Variants in SEMA6C observed in about 807,000 individuals in gnomAD.
SEMA6C encodes semaphorin 6C.
A neutral mutation model predicts 72.9 loss-of-function variants in SEMA6C; 37 were observed. That is an observed-to-expected ratio of 0.51 (90% CI 0.39 to 0.67). The LOEUF is 0.67. SEMA6C is among the 30% of genes least tolerant of loss of function. The probability of loss-of-function intolerance (pLI) is 0.00; values close to 1 mark genes in which losing one functional copy is unlikely to be tolerated. For synonymous variants in SEMA6C, 578 were observed against 554.1 expected, an observed-to-expected ratio of 1.04 and a Z score of -0.61; for missense variants, 1,189 against 1,263.6, an observed-to-expected ratio of 0.94 and a Z score of 0.89.
In SEMA6C at chr1:151,133,532, G is replaced by A. The variant is rs1443306037; in HGVS notation, c.1760-15C>T. 6.7e-7 allele frequency: 1 copy of A among 1,491,758 alleles called. No homozygotes were observed. Among genetic ancestry groups the A allele is most frequent in the Non-Finnish European group, 8.9e-7 (1 of 1,123,686 alleles). The allele number at this position is 1,491,758 out of a possible 1,614,324, so 92.4% of individuals were successfully genotyped here. On this transcript the variant is annotated splice_polypyrimidine_tract_variant and intron_variant, in intron 18 of 18. Coordinates refer to ENST00000368914, the MANE Select transcript of SEMA6C (RefSeq NM_030913.6). The surrounding 1 kb of genome is among the most constrained non-coding windows in gnomAD (Gnocchi z 5.9). ...CCGGCGCACGCCTGCCGACCGAGAG[G>A]GAGGAGGGAGGCTCAGCCAAGGGGA...
In SEMA6C at chr1:151,133,066, G is replaced by A. The variant is rs886557665; in HGVS notation, c.2211C>T (p.Gly737=). 1.4e-6 allele frequency: 2 copies of A among 1,476,374 alleles called. No homozygotes were observed. Among genetic ancestry groups the A allele is most frequent in the African/African-American group, 1.5e-5 (1 of 67,024 alleles). 91.5% of individuals were successfully genotyped at this position (1,476,374 alleles called of 1,614,324 possible). A position where few individuals can be genotyped will look rare whatever the true frequency, so the allele number is the denominator to read the frequency against. ...GCGCGGGCCCGCCCGCCGCGTGCCC[G>A]CCCCGTGAGCGGCCCGGACCCTCCT... is the stretch of plus-strand genomic sequence containing the variant. The part of the protein sequence containing the change: ...NAKEGPGRSR[G]GHAAGGPAPR... The change falls in exon 19 of 19, where the codon GGC becomes GGT. Residue 737 remains glycine, a synonymous_variant. Transcript: ENST00000368914. The surrounding 1 kb of genome is among the most constrained non-coding windows in gnomAD (Gnocchi z 5.9).
At position 151,140,105 on chromosome 1, in the gene SEMA6C, G is replaced by A. The variant is rs1488038457; in HGVS notation, c.119-15C>T. ...TGGGGAAGTACCTTGAGGACACAGA[G>A]AGATAGGATTCTGAGGATACCACAA... On this transcript the variant is annotated splice_polypyrimidine_tract_variant and intron_variant, in intron 3 of 18. Transcript: ENST00000368914. The A allele has an allele frequency of 1.2e-6, 2 of 1,606,068 alleles. No individual in the cohort carries two copies. The highest frequency in any genetic ancestry group is 1.7e-6 in the Non-Finnish European group (2 of 1,174,236).
chr1:151,140,315 G>A (rs1682424811), intron 3 of SEMA6C, among the ~76,000 whole-genome samples: 1 of 152,164 alleles, frequency 6.6e-6, no homozygotes. Context: ...GGTAGCTTTG[G>A]CCCCATTTTA....
At chr1:151,141,362 A>G (rs1467014549) in intron 3 of SEMA6C, among the ~76,000 whole-genome samples, 2 of 152,186 alleles carry the variant, frequency 1.3e-5, no homozygotes, top group African/African-American at 2.4e-5. Flanking sequence ...AGCACTTTAC[A>G]TGTATAACCT....
chr1:151,136,300 T>G, intron 12 of SEMA6C, 137 bp from the exon 13 acceptor site: 1 of 1,471,740 alleles, frequency 6.8e-7, no homozygotes, highest in Non-Finnish European at 9.2e-7. Context: ...ACTGTCCCCT[T>G]CCCTGCCGCA....
intron 3 of SEMA6C, among the ~76,000 whole-genome samples, chr1:151,142,043 C>CT (rs11321807): frequency 0.033 from 4,261 of 128,388 alleles, 228 homozygotes; most frequent in African/African-American, 0.11. Context: ...AGTCCATGTT[C>CT]TTTTTTTTTT....
chr1:151,135,548 C>T (rs1176838704), intron 14 of SEMA6C, 43 bp downstream of exon 14: 3 of 1,578,046 alleles, frequency 1.9e-6, no homozygotes, highest in African/African-American at 1.4e-5. Flanking sequence ...TACCTCCCAT[C>T]CCCTCCCTGC....
intron 4 of SEMA6C, 31 bp downstream of exon 4, chr1:151,139,945 C>G: frequency 6.3e-7 from 1 of 1,598,804 alleles, no homozygotes; most frequent in Middle Eastern, 1.7e-4. Context: ...GCATGCATGT[C>G]TGCCCCACAA....
chr1:151,133,863 TAGTG>T lies in SEMA6C; in HGVS notation c.1760-350_1760-347del. On this transcript the variant is annotated intron_variant, in intron 18 of 18. Coordinates refer to ENST00000368914, the MANE Select transcript of SEMA6C (RefSeq NM_030913.6). This position sits in a 1 kb window ranked among gnomAD's most constrained non-coding sequence, Gnocchi z 5.9. ...GGGAAGGGAGGCTCCAAACAGGCGTTAGTGAGCACCAAACACCATTCAGTGAGGG... is the reference window on the plus strand; with the variant it reads ...GGGAAGGGAGGCTCCAAACAGGCGTTAGCACCAAACACCATTCAGTGAGGG... The T allele has an allele frequency of 9.0e-7, 1 of 1,114,238 alleles. No individual in the cohort carries two copies. Among genetic ancestry groups the T allele is most frequent in the Non-Finnish European group, 1.3e-6 (1 of 770,272 alleles). 69.0% of individuals were successfully genotyped at this position (1,114,238 alleles called of 1,614,324 possible).
chr1:151,137,504 G>A (rs587690193), intron 10 of SEMA6C, among the ~76,000 whole-genome samples: 3 of 151,730 alleles, frequency 2.0e-5, no homozygotes, highest in Non-Finnish European at 4.4e-5. Flanking sequence ...TGAATGAAGG[G>A]TATGGCATGG....
At chr1:151,138,228 G>A (rs1163201695) in intron 8 of SEMA6C, 88 bp downstream of exon 8, 5 of 1,580,606 alleles carry the variant, frequency 3.2e-6, no homozygotes, top group Non-Finnish European at 4.3e-6. Context: ...TCCACTCAGG[G>A]GAATGGGGGA....
At chr1:151,142,194 G>A (rs1357374863) in intron 3 of SEMA6C, among the ~76,000 whole-genome samples, 1 of 152,050 alleles carries the variant, frequency 6.6e-6, no homozygotes, top group African/African-American at 2.4e-5. Context: ...CCGCCACAAT[G>A]TCCGGCTATT....
intron 14 of SEMA6C, 66 bp from the exon 15 acceptor site, chr1:151,135,375 A>G (rs61819220): frequency 0.019 from 29,760 of 1,566,112 alleles, 331 homozygotes; most frequent in Non-Finnish European, 0.022. Context: ...AGTGAGTGGA[A>G]GAACAGAAAG....
At chr1:151,136,801 T>C in intron 11 of SEMA6C, 56 bp downstream of exon 11, 3 of 1,513,958 alleles carry the variant, frequency 2.0e-6, no homozygotes, top group Non-Finnish European at 2.7e-6. Context: ...AAGGGGAGTT[T>C]GGAGGCTGGT....
Position 151,132,201 on chromosome 1 carries a change from G to A in SEMA6C, c.*283C>T, listed in dbSNP as rs1558173519. ...GGGGGAGCCCCGAGGGGCGAGTTAA[G>A]GCAGCTTGGCTGGAAGGGAGCGGGG... On this transcript the variant is annotated 3_prime_UTR_variant, in exon 19 of 19. Coordinates refer to ENST00000368914, the MANE Select transcript of SEMA6C (RefSeq NM_030913.6). The A allele has an allele frequency of 1.4e-6, 2 of 1,480,136 alleles. No individual in the cohort carries two copies. The highest frequency in any genetic ancestry group is 2.1e-4 in the Middle Eastern group (1 of 4,738). 91.7% of individuals were successfully genotyped at this position (1,480,136 alleles called of 1,614,324 possible). A position where few individuals can be genotyped will look rare whatever the true frequency, so the allele number is the denominator to read the frequency against.
At position 151,134,639 on chromosome 1, in the gene SEMA6C, C is replaced by G; in HGVS notation, c.1695G>C (p.Met565Ile). The change falls in exon 17 of 19, where the codon ATG (methionine) becomes ATC (isoleucine). Residue 565 changes from methionine (M) to isoleucine (I), a missense_variant. Met to Ile is a conservative substitution (Grantham distance 10, BLOSUM62 1). This residue lies in a region of SEMA6C where 721 missense variants were observed against 686.2 expected (regional missense o/e 1.05). Transcript: ENST00000368914. Reference protein sequence around the residue: ...DVDQAGNQESMEHGDCQDGAT... With the variant: ...DVDQAGNQESIEHGDCQDGAT... ...GTTTACCTTGGCAGTCACCATGCTCCATGGATTCCTGGTTCCCAGCCTGAT... is the reference window on the plus strand; with the variant it reads ...GTTTACCTTGGCAGTCACCATGCTCGATGGATTCCTGGTTCCCAGCCTGAT... 1 of 1,614,186 alleles carries G rather than the reference C, an allele frequency of 6.2e-7. No individual in the cohort carries two copies. Among genetic ancestry groups the G allele is most frequent in the Non-Finnish European group, 8.5e-7 (1 of 1,180,034 alleles).
Position 151,135,582 on chromosome 1 carries a change from AG to A in SEMA6C, c.1433+8del. 6.2e-7 allele frequency: 1 copy of A among 1,607,908 alleles called. No homozygotes were observed. On this transcript the variant is annotated splice_region_variant and intron_variant, in intron 14 of 18. Coordinates refer to ENST00000368914, the MANE Select transcript of SEMA6C (RefSeq NM_030913.6). ...GCTTTGCAGGGGGCCTGCCCTCCAA[AG>A]GCCTCACCGGGCAGGGCTGTAGGCA... is the stretch of plus-strand genomic sequence containing the variant.
rs961161546 is a variant in SEMA6C at position 151,142,711 on chromosome 1, G to A, written c.-54-36C>T. 67 of 1,071,704 alleles carry A rather than the reference G, an allele frequency of 6.3e-5. No homozygotes were observed. In the African/African-American group the frequency reaches 9.8e-4, roughly 16 times the overall value. The allele number at this position is 1,071,704 out of a possible 1,614,324, so 66.4% of individuals were successfully genotyped here. ...AGACAGGGAAAAGTGGGGGAGGAGCGAAGTTCCCTCTCCCCTGAAGCAAGC... is the reference window on the plus strand; with the variant it reads ...AGACAGGGAAAAGTGGGGGAGGAGCAAAGTTCCCTCTCCCCTGAAGCAAGC... On this transcript the variant is annotated intron_variant, in intron 2 of 18. Transcript: ENST00000368914.
intron 3 of SEMA6C, among the ~76,000 whole-genome samples, chr1:151,142,073 G>A (rs1215957279): frequency 6.8e-6 from 1 of 146,006 alleles, no homozygotes; most frequent in Non-Finnish European, 1.5e-5. Flanking sequence ...ACGGAGTCTC[G>A]CTCTGTTGCC....
Sources: allele counts gnomAD v4.1 joint callset (sites outside exome capture counted in the v4.1 genomes callset), GRCh38; gene constraint gnomAD v4.1.1; regional missense constraint gnomAD v4.1.1; non-coding constraint Gnocchi (gnomAD v3.1); transcripts MANE v1.5; gene names NCBI Gene and HGNC (gene_info 2026-07-23, HGNC 2026-07-21).